ALLC: variants seen among roughly 807,000 people sequenced by gnomAD.
ALLC encodes the protein allantoicase.
ALLC carries 40 observed loss-of-function variants against 45.0 expected under a neutral mutation model. That is an observed-to-expected ratio of 0.89 (90% CI 0.69 to 1.16). The LOEUF (loss-of-function observed/expected upper bound fraction) is 1.16, where lower values mean the gene tolerates loss of function less well. Among genes scored for constraint, ALLC ranks in the 50% most tolerant of loss-of-function variants. ALLC has a pLI of 0.00. For missense variants in ALLC, 488 were observed against 493.1 expected, an observed-to-expected ratio of 0.99 and a Z score of 0.10; for synonymous variants, 176 against 178.1, an observed-to-expected ratio of 0.99 and a Z score of 0.09.
At chr2:3,669,515 G>A (rs536373982) in intron 1 of ALLC, among the ~76,000 whole-genome samples, 1 of 151,948 alleles carries the variant, frequency 6.6e-6, no homozygotes, top group African/African-American at 2.4e-5. Flanking sequence ...GGGCGTGGTG[G>A]CAGGCACCTG....
chr2:3,656,395 G>A (rs958355572), upstream of ALLC, among the ~76,000 whole-genome samples: 5 of 152,230 alleles, frequency 3.3e-5, no homozygotes, highest in Non-Finnish European at 7.3e-5. Flanking sequence ...TGGGTCCACA[G>A]GACGTCTGCT....
intron 4 of ALLC, 34 bp downstream of exon 4, chr2:3,678,589 T>C (rs766295568): frequency 5.1e-6 from 8 of 1,574,744 alleles, no homozygotes; most frequent in Non-Finnish European, 7.0e-6. Flanking sequence ...GAAGTGCAGC[T>C]GACACTGCAA....
At chr2:3,684,742 A>G (rs1035820357) in intron 7 of ALLC, among the ~76,000 whole-genome samples, 4 of 151,970 alleles carry the variant, frequency 2.6e-5, no homozygotes, top group African/African-American at 7.3e-5. Flanking sequence ...ATTCCTTTTT[A>G]TGGCTGCATA....
upstream of ALLC, among the ~76,000 whole-genome samples, chr2:3,655,220 G>A (rs116536906): frequency 0.015 from 2,294 of 152,326 alleles, 57 homozygotes; most frequent in African/African-American, 0.051. Flanking sequence ...ACAGGCTTCC[G>A]GAACTTCACC....
At chr2:3,701,378 C>T in intron 10 of ALLC, 134 bp from the exon 11 acceptor site, 2 of 1,104,240 alleles carry the variant, frequency 1.8e-6, no homozygotes, top group Non-Finnish European at 2.5e-6. Context: ...TACTTCATAC[C>T]TTTGCTTTTG....
chr2:3,692,796 C>T (rs1667557940), intron 7 of ALLC, among the ~76,000 whole-genome samples: 1 of 152,146 alleles, frequency 6.6e-6, no homozygotes, highest in Non-Finnish European at 1.5e-5. Flanking sequence ...ATGTCTCACC[C>T]TCAGTGTGAA....
chr2:3,672,012 G>T (rs370890406), intron 2 of ALLC, among the ~76,000 whole-genome samples: 30 of 90,736 alleles, frequency 3.3e-4, no homozygotes, highest in East Asian at 1.1e-3. Flanking sequence ...TCTGGCTCTA[G>T]TTAGATCCGA....
At chr2:3,675,276 G>A (rs532767873) in intron 3 of ALLC, among the ~76,000 whole-genome samples, 1 of 151,586 alleles carries the variant, frequency 6.6e-6, no homozygotes, top group Non-Finnish European at 1.5e-5. Flanking sequence ...TGTAGTCCCC[G>A]CTACTCAGAA....
Position 3,671,151 on chromosome 2 carries a change from C to T in ALLC, c.-7C>T, listed in dbSNP as rs1228509956. On this transcript the variant is annotated 5_prime_UTR_variant, in exon 2 of 12. Coordinates refer to ENST00000252505, the MANE Select transcript of ALLC (RefSeq NM_018436.4). ...GACTGACCCGGTTTCTGGACTTCAC[C>T]CAGCTGATGGACATGGCATCTGAAT... 2 of 1,611,002 alleles carry T rather than the reference C, an allele frequency of 1.2e-6. No individual in the cohort carries two copies. The highest frequency in any genetic ancestry group is 3.3e-5 in the Admixed American group (2 of 59,702).
rs1384028129 is a variant in ALLC, at chr2:3,696,397, T to G, written c.741+49T>G. ...GTTTAAAGTTTTTCTTAAAAGTATT[T>G]TTTGGAACTTTTTCTTTTAAATAAA... is the stretch of plus-strand genomic sequence containing the variant. On this transcript the variant is annotated intron_variant, in intron 9 of 11. Transcript: ENST00000252505. 3.4e-6 allele frequency: 5 copies of G among 1,481,952 alleles called. No individual in the cohort carries two copies. The Middle Eastern group carries it at 5.2e-4, about 155-fold the overall frequency. 91.8% of individuals were successfully genotyped at this position (1,481,952 alleles called of 1,614,324 possible).
intron 4 of ALLC, among the ~76,000 whole-genome samples, chr2:3,679,098 G>A (rs1439451117): frequency 1.3e-5 from 2 of 152,176 alleles, no homozygotes; most frequent in Non-Finnish European, 2.9e-5. Flanking sequence ...TGAAGTTGAA[G>A]AAAAGCAAAC....
chr2:3,651,418 T>G, the ALLC span, among the ~76,000 whole-genome samples: 1 of 54,234 alleles, frequency 1.8e-5, no homozygotes, highest in Non-Finnish European at 4.2e-5. Context: ...TGTGTGTGTG[T>G]GTGTGTGTGT....
intron 7 of ALLC, among the ~76,000 whole-genome samples, chr2:3,686,190 G>A (rs757181154): frequency 6.6e-6 from 1 of 150,676 alleles, no homozygotes; most frequent in South Asian, 2.1e-4. Flanking sequence ...TTCATTCTTC[G>A]GCATGCAGTT....
chr2:3,672,986 T>C (rs1325816358), intron 2 of ALLC, among the ~76,000 whole-genome samples: 1 of 147,412 alleles, frequency 6.8e-6, no homozygotes, highest in Non-Finnish European at 1.5e-5. Flanking sequence ...AGACCAGCCC[T>C]GTGACTGGCA....
chr2:3,684,266 T>C (rs746267223), intron 7 of ALLC, among the ~76,000 whole-genome samples: 75 of 152,340 alleles, frequency 4.9e-4, no homozygotes, highest in Admixed American at 9.2e-4. Flanking sequence ...TCTTACTTTT[T>C]GTTTATAGTC....
intron 1 of ALLC, among the ~76,000 whole-genome samples, chr2:3,662,518 T>G (rs573748083): frequency 6.6e-6 from 1 of 152,380 alleles, no homozygotes; most frequent in South Asian, 2.1e-4. Context: ...GCTGATGAGA[T>G]ATACGGACTA....
At chr2:3,697,665 ATCTTT>A (rs1667716122) in intron 10 of ALLC, among the ~76,000 whole-genome samples, 1 of 143,354 alleles carries the variant, frequency 7.0e-6, no homozygotes, top group Admixed American at 7.0e-5. Context: ...CTATCTATCT[ATCTTT>A]TATTTATTTT....
At chr2:3,667,382 A>AT (rs34646888) in intron 1 of ALLC, among the ~76,000 whole-genome samples, 2,622 of 152,314 alleles carry the variant, frequency 0.017, 81 homozygotes, top group African/African-American at 0.059. Flanking sequence ...ACGGTGCTGA[A>AT]TGAATGAGCA....
chr2:3,676,986 C>T (rs1376911209), intron 3 of ALLC, among the ~76,000 whole-genome samples: 1 of 152,168 alleles, frequency 6.6e-6, no homozygotes, highest in Non-Finnish European at 1.5e-5. Context: ...GGGGGTTTCA[C>T]CATGTTGGCC....
Sources: allele counts gnomAD v4.1 joint callset (sites outside exome capture counted in the v4.1 genomes callset), GRCh38; gene constraint gnomAD v4.1.1; transcripts MANE v1.5; gene names NCBI Gene and HGNC (gene_info 2026-07-23, HGNC 2026-07-21).